The following FGD5 variants were observed in gnomAD, a reference collection of about 807,000 sequenced individuals.
FGD5 encodes FYVE, RhoGEF and PH domain-containing protein 5.
A neutral mutation model predicts 133.4 loss-of-function variants in FGD5; 28 were observed. The observed-to-expected ratio is 0.21, with a 90% CI of 0.16 to 0.29. FGD5 has a LOEUF of 0.29. Ranked by LOEUF, FGD5 falls within the 10% of genes least tolerant of loss-of-function variation. The probability of loss-of-function intolerance (pLI) is 1.00; values close to 1 mark genes in which losing one functional copy is unlikely to be tolerated. For missense variants in FGD5, 1,858 were observed against 1,895.2 expected, an observed-to-expected ratio of 0.98 and a Z score of 0.36; for synonymous variants, 810 against 776.5, an observed-to-expected ratio of 1.04 and a Z score of -0.72.
rs774874430 is a variant in FGD5 at position 14,820,219 on chromosome 3, G to A, written c.1148G>A (p.Arg383His). Residue 383 changes from arginine to histidine, a missense_variant, in exon 1 of 20, where the codon CGT becomes CAT. By Grantham distance (29) the Arg-to-His change is conservative. Transcript: ENST00000285046. ...GAGCAGGCACCAAAGCTGGGGCTGC[G>A]TGCGGAGGAGAACCCCATGGTGGGG... ...ESEQAPKLGL[R>H]AEENPMVGAL... is the part of the protein sequence containing the mutation. The A allele has an allele frequency of 1.3e-5, 21 of 1,609,342 alleles. No individual in the cohort carries two copies. Among genetic ancestry groups the A allele is most frequent in the African/African-American group, 6.7e-5 (5 of 74,830 alleles).
intron 1 of FGD5, among the ~76,000 whole-genome samples, chr3:14,812,026 GTGTGTA>G (rs982583493): frequency 1.8e-4 from 17 of 96,502 alleles, no homozygotes; most frequent in African/African-American, 5.5e-4. Flanking sequence ...GTGTGTGTGT[GTGTGTA>G]TGTATGTGTG....
chr3:14,837,222 C>T (rs572991378), intron 1 of FGD5, among the ~76,000 whole-genome samples: 1 of 152,268 alleles, frequency 6.6e-6, no homozygotes, highest in East Asian at 1.9e-4. Context: ...CTCTTTCAGC[C>T]CTCACTGAAA....
At position 14,820,839 on chromosome 3, in the gene FGD5, G is replaced by A. The variant is rs768957679; in HGVS notation, c.1768G>A (p.Gly590Ser). The A allele has an allele frequency of 2.4e-5, 39 of 1,613,600 alleles. No individual in the cohort carries two copies. The highest frequency in any genetic ancestry group is 3.2e-5 in the Non-Finnish European group (38 of 1,179,842). The change falls in exon 1 of 20, where the codon GGC becomes AGC. Residue 590 changes from glycine to serine, a missense_variant. This residue lies in a region of FGD5 where 1,824 missense variants were observed against 1,848.9 expected (regional missense o/e 0.99). Transcript: ENST00000285046. ...CAATCTCTCTCTGTCGTGTGTAATT[G>A]GCTCCTCTGGGAGTTTCTCCCAGAG... ...EDNLSLSCVI[G>S]SSGSFSQRNH... is the part of the protein sequence containing the mutation.
chr3:14,883,108 T>C (rs2037858121), intron 4 of FGD5, among the ~76,000 whole-genome samples: 1 of 152,180 alleles, frequency 6.6e-6, no homozygotes, highest in Non-Finnish European at 1.5e-5. Flanking sequence ...GCTTGTCACA[T>C]GGTAGTTATA....
Position 14,898,665 on chromosome 3 carries a change from T to C in FGD5, c.3067-74T>C, listed in dbSNP as rs2038181859. 4.1e-6 allele frequency: 5 copies of C among 1,216,136 alleles called. No homozygotes were observed. In the South Asian group the frequency reaches 6.6e-5, roughly 16 times the overall value. 75.3% of individuals were successfully genotyped at this position (1,216,136 alleles called of 1,614,324 possible). On this transcript the variant is annotated intron_variant, in intron 6 of 19. Coordinates refer to ENST00000285046, the MANE Select transcript of FGD5 (RefSeq NM_152536.4). Reference sequence around the variant, plus strand: ...GAAGAGGTGTGGATGGGACAGTGTATATGGGCTGCTGTGAGCATGGTGCCT... The same window carrying C: ...GAAGAGGTGTGGATGGGACAGTGTACATGGGCTGCTGTGAGCATGGTGCCT...
intron 1 of FGD5, among the ~76,000 whole-genome samples, chr3:14,853,980 G>T (rs1361261557): frequency 6.6e-6 from 1 of 151,898 alleles, no homozygotes; most frequent in Non-Finnish European, 1.5e-5. Context: ...GACTAGGCGG[G>T]GGGTTTAGAA....
At chr3:14,926,248 C>T (rs2038800999) in intron 18 of FGD5, 50 bp downstream of exon 18, 2 of 1,605,164 alleles carry the variant, frequency 1.2e-6, no homozygotes, top group African/African-American at 2.7e-5. Context: ...GTGAAATGAC[C>T]CCCTGGGGCC....
intron 17 of FGD5, among the ~76,000 whole-genome samples, 164 bp from the exon 18 acceptor site, chr3:14,925,906 C>CT (rs2038793919): frequency 6.6e-6 from 1 of 152,218 alleles, no homozygotes; most frequent in Non-Finnish European, 1.5e-5. Flanking sequence ...GCATGAAGCA[C>CT]TATCTTGCTG....
intron 1 of FGD5, among the ~76,000 whole-genome samples, chr3:14,843,575 C>G (rs1002328913): frequency 6.6e-6 from 1 of 151,936 alleles, no homozygotes; most frequent in Admixed American, 6.6e-5. Context: ...TTGATAAGGT[C>G]ACGGCCAGCC....
Position 14,932,614 on chromosome 3 carries a change from T to C in FGD5, c.4235T>C (p.Phe1412Ser). 1.2e-6 allele frequency: 2 copies of C among 1,613,994 alleles called. No individual in the cohort carries two copies. The highest frequency in any genetic ancestry group is 1.7e-6 in the Non-Finnish European group (2 of 1,179,856). The change falls in exon 19 of 20, where the codon TTC becomes TCC. Residue 1412 changes from phenylalanine to serine, a missense_variant. Phe to Ser is a radical substitution (Grantham distance 155). Transcript: ENST00000285046. ...VALESMPLLG[F>S]TIAPEKEEGS... is the part of the protein sequence containing the mutation. ...TTGGAGAGTATGCCTCTGCTAGGCT[T>C]CACCATTGCTCCAGAAAAGGAAGAG...
intron 1 of FGD5, among the ~76,000 whole-genome samples, chr3:14,861,071 G>T (rs188777469): frequency 3.5e-4 from 53 of 152,292 alleles, no homozygotes; most frequent in African/African-American, 1.3e-3. Context: ...GGCCAGAGTT[G>T]GTAGCAAGTG....
intron 10 of FGD5, 145 bp downstream of exon 10, chr3:14,907,856 C>T: frequency 3.9e-6 from 3 of 762,732 alleles, no homozygotes; most frequent in Non-Finnish European, 4.2e-6. Flanking sequence ...GGCGTGGGCT[C>T]ACTGGATTCT....
Position 14,922,096 on chromosome 3 carries a change from C to A in FGD5, c.3669+79C>A. ...CTGGGCGGGCATTGCTGTTGCCACT[C>A]ACACCCAGATGGACGTGTAGCTCCT... is the stretch of plus-strand genomic sequence containing the variant. On this transcript the variant is annotated intron_variant, in intron 14 of 19. Transcript: ENST00000285046. This position sits in a 1 kb window ranked among gnomAD's most constrained non-coding sequence, Gnocchi z 4.1. The A allele has an allele frequency of 7.2e-7, 1 of 1,392,574 alleles. No individual in the cohort carries two copies. 86.3% of individuals were successfully genotyped at this position (1,392,574 alleles called of 1,614,324 possible).
chr3:14,848,696 AT>A (rs1262476998), intron 1 of FGD5, among the ~76,000 whole-genome samples: 1 of 152,236 alleles, frequency 6.6e-6, no homozygotes, highest in Non-Finnish European at 1.5e-5. Flanking sequence ...AAATTAACTT[AT>A]TGAACCTTGA....
chr3:14,874,752 T>C (rs2037683698), intron 2 of FGD5, among the ~76,000 whole-genome samples: 1 of 152,162 alleles, frequency 6.6e-6, no homozygotes, highest in Non-Finnish European at 1.5e-5. Flanking sequence ...TTCTGCAAAT[T>C]TGTTACACAC....
chr3:14,836,124 C>T (rs1339351029), intron 1 of FGD5, among the ~76,000 whole-genome samples: 1 of 152,170 alleles, frequency 6.6e-6, no homozygotes, highest in Non-Finnish European at 1.5e-5. Context: ...GCACAAGGAG[C>T]CGTGGTGAGA....
In FGD5 at chr3:14,819,965, C is replaced by A. The variant is rs764446190; in HGVS notation, c.894C>A (p.Asp298Glu). Residue 298 changes from aspartate to glutamate, a missense_variant, in exon 1 of 20, where the codon GAC becomes GAA. This residue lies in a region of FGD5 where 1,824 missense variants were observed against 1,848.9 expected (regional missense o/e 0.99). Coordinates refer to ENST00000285046, the MANE Select transcript of FGD5 (RefSeq NM_152536.4). This position sits in a 1 kb window ranked among gnomAD's most constrained non-coding sequence, Gnocchi z 4.1. The part of the protein sequence containing the change: ...GEQVDLSEPP[D>E]HEKKTNQEVA... Reference sequence around the variant, plus strand: ...AGGTTGACCTCAGTGAACCACCTGACCACGAGAAGAAAACCAACCAAGAAG... The same window carrying A: ...AGGTTGACCTCAGTGAACCACCTGAACACGAGAAGAAAACCAACCAAGAAG... 4 of 1,613,928 alleles carry A rather than the reference C, an allele frequency of 2.5e-6. No individual in the cohort carries two copies. The highest frequency in any genetic ancestry group is 3.4e-6 in the Non-Finnish European group (4 of 1,179,870).
chr3:14,880,182 G>A (rs1479270615), intron 2 of FGD5, among the ~76,000 whole-genome samples: 1 of 152,014 alleles, frequency 6.6e-6, no homozygotes, highest in African/African-American at 2.4e-5. Context: ...ATGAGACCCT[G>A]TCTCTACAAA....
At chr3:14,880,237 C>A (rs910371895) in intron 2 of FGD5, among the ~76,000 whole-genome samples, 19 of 151,902 alleles carry the variant, frequency 1.3e-4, no homozygotes, top group African/African-American at 4.4e-4. Flanking sequence ...ACCTATAGTC[C>A]CAGCTACTCA....
Sources: allele counts gnomAD v4.1 joint callset (sites outside exome capture counted in the v4.1 genomes callset), GRCh38; gene constraint gnomAD v4.1.1; regional missense constraint gnomAD v4.1.1; non-coding constraint Gnocchi (gnomAD v3.1); transcripts MANE v1.5; gene names NCBI Gene and HGNC (gene_info 2026-07-23, HGNC 2026-07-21).